DOK6: variants seen among roughly 807,000 people sequenced by gnomAD.
DOK6 encodes the protein downstream of tyrosine kinase 6.
In DOK6, 22 loss-of-function variants were observed where a neutral mutation model predicts 44.0. That is an observed-to-expected ratio of 0.50 (90% CI 0.36 to 0.71). The LOEUF (loss-of-function observed/expected upper bound fraction) is 0.71, where lower values mean the gene tolerates loss of function less well. Ranked by LOEUF, DOK6 falls within the 30% of genes least tolerant of loss-of-function variation. The pLI is 0.00. For synonymous variants in DOK6, 166 were observed against 145.5 expected, an observed-to-expected ratio of 1.14 and a Z score of -1.01; for missense variants, 340 against 416.4, an observed-to-expected ratio of 0.82 and a Z score of 1.60.
intron 2 of DOK6, among the ~76,000 whole-genome samples, chr18:69,586,197 CT>C (rs1446960609): frequency 6.6e-6 from 1 of 152,142 alleles, no homozygotes; most frequent in Non-Finnish European, 1.5e-5. Flanking sequence ...GAATGACTTG[CT>C]TAAATATTAG....
At chr18:69,452,229 A>C (rs1300324063) in intron 1 of DOK6, among the ~76,000 whole-genome samples, 2 of 149,370 alleles carry the variant, frequency 1.3e-5, no homozygotes, top group South Asian at 2.1e-4. Context: ...GATAAAGGGG[A>C]TATCACCACC....
At chr18:69,565,916 T>A (rs1199028035) in intron 2 of DOK6, among the ~76,000 whole-genome samples, 1 of 152,222 alleles carries the variant, frequency 6.6e-6, no homozygotes, top group Non-Finnish European at 1.5e-5. Flanking sequence ...ACTATGATTA[T>A]GACTTTGGCA....
intron 3 of DOK6, among the ~76,000 whole-genome samples, chr18:69,653,993 T>C (rs948217126): frequency 6.6e-6 from 1 of 152,112 alleles, no homozygotes; most frequent in Non-Finnish European, 1.5e-5. Flanking sequence ...AAAATATGAA[T>C]GACAAGATGG....
In DOK6 at chr18:69,843,484, C is replaced by T. The variant is rs1982280592; in HGVS notation, c.*2101C>T. 1 of 152,254 alleles carries T rather than the reference C, an allele frequency of 6.6e-6. No homozygotes were observed. The highest frequency in any genetic ancestry group is 1.5e-5 in the Non-Finnish European group (1 of 68,044). The allele number at this position is 152,254 out of a possible 1,614,324, so 9.4% of individuals were successfully genotyped here. ...CAGTTGAGCTGTTGCTTAGACACCA[C>T]AAGTTTCTACAAGGGACTTATGGGG... On this transcript the variant is annotated 3_prime_UTR_variant, in exon 8 of 8. Transcript: ENST00000382713.
Position 69,838,956 on chromosome 18 carries a change from C to T in DOK6, c.857-2288C>T, listed in dbSNP as rs116118286. Among the ~76,000 whole-genome samples the T allele has an allele frequency of 3.8e-3, 570 of 151,392 alleles. 4 individuals carry two copies. Among genetic ancestry groups the T allele is most frequent in the African/African-American group, 0.012 (511 of 41,150 alleles). ...CCTACCTTAGTTCCTTCCCTAGTCC[C>T]TCGAACTCCTCCCCAAGCCTCACCC... On this transcript the variant is annotated intron_variant, in intron 7 of 7. Transcript: ENST00000382713.
intron 1 of DOK6, among the ~76,000 whole-genome samples, chr18:69,529,176 A>G (rs1376780699): frequency 6.6e-6 from 1 of 152,236 alleles, no homozygotes; most frequent in East Asian, 1.9e-4. Context: ...TAACCGGAAT[A>G]GGAGTGATAT....
intron 7 of DOK6, among the ~76,000 whole-genome samples, chr18:69,776,814 G>C (rs147807858): frequency 6.6e-6 from 1 of 151,882 alleles, no homozygotes; most frequent in Non-Finnish European, 1.5e-5. Context: ...TCATCAAGAG[G>C]TATCAATATA....
At chr18:69,497,104 A>G (rs1980912328) in intron 1 of DOK6, among the ~76,000 whole-genome samples, 1 of 152,290 alleles carries the variant, frequency 6.6e-6, no homozygotes, top group Non-Finnish European at 1.5e-5. Flanking sequence ...GTTAGTATTG[A>G]CCATCCATGC....
At chr18:69,697,441 A>C (rs1463912253) in intron 4 of DOK6, among the ~76,000 whole-genome samples, 2 of 152,108 alleles carry the variant, frequency 1.3e-5, no homozygotes, top group African/African-American at 4.8e-5. Flanking sequence ...GTAATTCTTC[A>C]ATTCTTGCAT....
intron 6 of DOK6, among the ~76,000 whole-genome samples, chr18:69,745,235 C>A (rs575135486): frequency 1.3e-4 from 20 of 152,198 alleles, no homozygotes; most frequent in African/African-American, 4.3e-4. Context: ...TAAGAAAAAT[C>A]ATTGCCTAAC....
In DOK6 at chr18:69,847,535, A is replaced by T. The variant is rs369572857; in HGVS notation, c.*6152A>T. The T allele has an allele frequency of 2.6e-5, 4 of 152,192 alleles. No homozygotes were observed. In the East Asian group the frequency reaches 7.7e-4, roughly 29 times the overall value. 9.4% of individuals were successfully genotyped at this position (152,192 alleles called of 1,614,324 possible). The stretch of plus-strand genomic sequence containing the variant: ...TTTAATTTTTTTAAGTCACTGCAGG[A>T]TTTCTCTCAAAGAAAACATCTGAAA... On this transcript the variant is annotated 3_prime_UTR_variant, in exon 8 of 8. Transcript: ENST00000382713.
intron 2 of DOK6, among the ~76,000 whole-genome samples, chr18:69,592,043 G>A (rs1014068704): frequency 6.6e-6 from 1 of 151,768 alleles, no homozygotes; most frequent in African/African-American, 2.4e-5. Context: ...GTACTATTTG[G>A]GAATTATTTT....
chr18:69,757,873 G>T lies in DOK6; in HGVS notation c.856G>T (p.Gly286Cys). The change falls in exon 7 of 8, where the codon GGT becomes TGT. Residue 286 changes from glycine to cysteine, a missense_variant and splice_region_variant. By Grantham distance (159) the Gly-to-Cys change is radical. Transcript: ENST00000382713. ...NSVGEIYSLQ[G>C]HGFGSSKMSR... ...CGTTGGTGAAATCTACAGTTTGCAA[G>T]GCAAGTCACTTTAATGTAAGAAAGC... 6.2e-7 allele frequency: 1 copy of T among 1,613,304 alleles called. No homozygotes were observed. The highest frequency in any genetic ancestry group is 8.5e-7 in the Non-Finnish European group (1 of 1,179,292).
chr18:69,543,070 T>C lies in DOK6; in HGVS notation c.67-21417T>C, dbSNP rs34240822. Among the ~76,000 whole-genome samples the C allele has an allele frequency of 7.3e-3, 1,113 of 151,708 alleles. 24 individuals are homozygous for C. The highest frequency in any genetic ancestry group is 0.026 in the African/African-American group (1,059 of 41,516). ...GTACATGAAGTAGAGGGTTCTTCAC[T>C]GGTTTAATCCCAAGCAGACCCCGTA... On this transcript the variant is annotated intron_variant, in intron 1 of 7. Transcript: ENST00000382713.
intron 3 of DOK6, chr18:69,663,002 T>C (rs1406583894): frequency 1.3e-5 from 2 of 152,238 alleles, no homozygotes; most frequent in Non-Finnish European, 2.9e-5. Context: ...TTTTATCTCA[T>C]GGAAAATGTT....
At chr18:69,670,683 T>C (rs570548715) in intron 3 of DOK6, among the ~76,000 whole-genome samples, 9 of 152,160 alleles carry the variant, frequency 5.9e-5, no homozygotes, top group African/African-American at 1.9e-4. Context: ...CTAATTTTTG[T>C]GTTTTTAGTA....
At chr18:69,549,521 C>G (rs1439890757) in intron 1 of DOK6, among the ~76,000 whole-genome samples, 7 of 151,554 alleles carry the variant, frequency 4.6e-5, no homozygotes. Flanking sequence ...TCCATTACCC[C>G]ATTTGTCCAG....
At chr18:69,462,789 G>C (rs1979823165) in intron 1 of DOK6, among the ~76,000 whole-genome samples, 1 of 152,138 alleles carries the variant, frequency 6.6e-6, no homozygotes, top group South Asian at 2.1e-4. Flanking sequence ...TGGAAAGGTG[G>C]TTTCTCTTGG....
intron 1 of DOK6, among the ~76,000 whole-genome samples, chr18:69,462,899 A>G (rs1466968442): frequency 6.6e-6 from 1 of 152,154 alleles, no homozygotes; most frequent in Non-Finnish European, 1.5e-5. Context: ...ATGACTGACA[A>G]CTCTGCCTGC....
Sources: gnomAD v4.1 joint callset for allele counts (sites outside exome capture counted in the v4.1 genomes callset) on GRCh38, gnomAD v4.1.1 for gene constraint, MANE v1.5 for transcripts, NCBI Gene and HGNC (gene_info 2026-07-23, HGNC 2026-07-21) for gene names.